The following UGT2A2 variants were observed in gnomAD, a reference collection of about 807,000 sequenced individuals.
UGT2A2 encodes UDP-glucuronosyltransferase 2A2.
A neutral mutation model predicts 50.7 loss-of-function variants in UGT2A2; 60 were observed. That is an observed-to-expected ratio of 1.18 (90% CI 0.96 to 1.47). UGT2A2 has a LOEUF of 1.47. Among genes scored for constraint, UGT2A2 ranks in the 40% most tolerant of loss-of-function variants. The probability of loss-of-function intolerance (pLI) is 0.00; values close to 1 mark genes in which losing one functional copy is unlikely to be tolerated. For missense variants in UGT2A2, 762 were observed against 634.0 expected, an observed-to-expected ratio of 1.20 and a Z score of -2.17; for synonymous variants, 242 against 214.6, an observed-to-expected ratio of 1.13 and a Z score of -1.11.
chr4:69,595,238 T>G lies in UGT2A2; in HGVS notation c.1035A>C (p.Arg345Ser). ...LAQIPQKVLW[R>S]YKGKKPATLG... ...ATGTGGCTGGTTTCTTTCCTTTGTA[T>G]CTCCATAAAACCTGTGGAAAATGGT... Residue 345 changes from arginine to serine, a missense_variant, in exon 4 of 6, where the codon AGA becomes AGC. Transcript: ENST00000604629. 6.2e-7 allele frequency: 1 copy of G among 1,613,770 alleles called. No homozygotes were observed. The highest frequency in any genetic ancestry group is 8.5e-7 in the Non-Finnish European group (1 of 1,179,838).
intron 1 of UGT2A2, among the ~76,000 whole-genome samples, chr4:69,605,262 GA>G (rs1390984992): frequency 1.5e-5 from 2 of 136,882 alleles, no homozygotes; most frequent in Non-Finnish European, 3.1e-5. Flanking sequence ...TCAGGATTAA[GA>G]AATTCACTCA....
intron 1 of UGT2A2, among the ~76,000 whole-genome samples, chr4:69,606,870 G>A (rs1454214712): frequency 7.4e-6 from 1 of 135,992 alleles, no homozygotes; most frequent in East Asian, 2.1e-4. Flanking sequence ...TACAAGGGAC[G>A]TAAGGACCTC....
chr4:69,638,975 G>A lies in UGT2A2; in HGVS notation c.666C>T (p.Thr222=). The change falls in exon 1 of 6, where the codon ACC becomes ACT. Residue 222 remains threonine, a synonymous_variant. Transcript: ENST00000604629. ...QMTFGERIKN[T]ISYSLQDYIF... is the part of the protein sequence containing the mutation. The stretch of plus-strand genomic sequence containing the variant: ...TATAGTCTTGCAGAGAATAAGATAT[G>A]GTATTTTTAATCCTTTCACCAAAGG... 1 of 1,612,958 alleles carries A rather than the reference G, an allele frequency of 6.2e-7. No homozygotes were observed. The highest frequency in any genetic ancestry group is 8.5e-7 in the Non-Finnish European group (1 of 1,179,432).
intron 1 of UGT2A2, among the ~76,000 whole-genome samples, chr4:69,633,538 T>C (rs937664648): frequency 4.6e-5 from 7 of 152,078 alleles, no homozygotes; most frequent in African/African-American, 1.7e-4. Context: ...AAAACCAAAA[T>C]AGCCTAAATT....
Position 69,589,340 on chromosome 4 carries a change from T to G in UGT2A2, c.*32A>C, listed in dbSNP as rs150470223. The G allele has an allele frequency of 1.6e-4, 247 of 1,560,392 alleles. No individual in the cohort carries two copies. In the African/African-American group the frequency reaches 3.2e-3, roughly 20 times the overall value. On this transcript the variant is annotated 3_prime_UTR_variant, in exon 6 of 6. Transcript: ENST00000604629. ...ACACTACTCAGGATTTTGCCAAACT[T>G]AAAAATATATATATTTCCTCTTTTT... is the stretch of plus-strand genomic sequence containing the variant.
At position 69,639,532 on chromosome 4, in the gene UGT2A2, T is replaced by C. The variant is rs1173225741; in HGVS notation, c.109A>G (p.Thr37Ala). The part of the protein sequence containing the change: ...VLSGNVLIWP[T>A]DGSHWLNIKI... The stretch of plus-strand genomic sequence containing the variant: ...ATATTTAACCAATGGCTACCATCTG[T>C]AGGCCAAATTAACACATTCCCACTT... Residue 37 changes from threonine to alanine, a missense_variant, in exon 1 of 6, where the codon ACA becomes GCA. By Grantham distance (58) the Thr-to-Ala change is moderately conservative. Coordinates refer to ENST00000604629, the MANE Select transcript of UGT2A2 (RefSeq NM_001105677.2). 3.1e-6 allele frequency: 5 copies of C among 1,613,280 alleles called. No homozygotes were observed. Among genetic ancestry groups the C allele is most frequent in the Admixed American group, 3.3e-5 (2 of 59,962 alleles).
Position 69,594,250 on chromosome 4 carries a change from A to G in UGT2A2, c.1331+227T>C, listed in dbSNP as rs980811399. On this transcript the variant is annotated intron_variant, in intron 5 of 5. Transcript: ENST00000604629. Reference sequence around the variant, plus strand: ...CAGCCTCCCAAAGTGCTAGGATTACAAGCTTGAGCCACTGCGCCCGGCCAA... The same window carrying G: ...CAGCCTCCCAAAGTGCTAGGATTACGAGCTTGAGCCACTGCGCCCGGCCAA... 2.6e-5 allele frequency among the ~76,000 whole-genome samples: 4 copies of G among 152,134 alleles called. No homozygotes were observed. In the East Asian group the frequency reaches 7.7e-4, roughly 29 times the overall value.
At chr4:69,606,252 C>T (rs923088773) in intron 1 of UGT2A2, among the ~76,000 whole-genome samples, 1 of 136,242 alleles carries the variant, frequency 7.3e-6, no homozygotes, top group East Asian at 2.1e-4. Context: ...ATCCCTGGGA[C>T]GCAAGGCTGG....
intron 5 of UGT2A2, among the ~76,000 whole-genome samples, chr4:69,594,013 T>C (rs1040260567): frequency 2.7e-5 from 4 of 148,366 alleles, no homozygotes; most frequent in African/African-American, 2.5e-5. Context: ...CTTGCTCTTT[T>C]GCCCAGGCTG....
At chr4:69,618,211 G>A (rs55803022) in intron 1 of UGT2A2, among the ~76,000 whole-genome samples, 1,242 of 113,222 alleles carry the variant, frequency 0.011, 20 homozygotes, top group African/African-American at 0.036. Flanking sequence ...GTGTGTGTGT[G>A]TGTGTATGTT....
At chr4:69,635,582 CA>C (rs758739507) in intron 1 of UGT2A2, 4 of 168,282 alleles carry the variant, frequency 2.4e-5, no homozygotes, top group East Asian at 3.8e-4. Context: ...GTAATCCCAG[CA>C]ATTTGTGAGG....
intron 2 of UGT2A2, among the ~76,000 whole-genome samples, chr4:69,597,630 T>C (rs1376009807): frequency 6.6e-6 from 1 of 152,184 alleles, no homozygotes; most frequent in Non-Finnish European, 1.5e-5. Flanking sequence ...GCTTAGTTAA[T>C]GTCAGGAGAA....
chr4:69,589,275 T>A lies in UGT2A2; in HGVS notation c.*97A>T. On this transcript the variant is annotated 3_prime_UTR_variant, in exon 6 of 6. Coordinates refer to ENST00000604629, the MANE Select transcript of UGT2A2 (RefSeq NM_001105677.2). ...AAATTTGGAAACAGGATGGGAGACGTGTTTTTGTTAAACTCCTTTTGTCTG... is the reference window on the plus strand; with the variant it reads ...AAATTTGGAAACAGGATGGGAGACGAGTTTTTGTTAAACTCCTTTTGTCTG... 7.2e-7 allele frequency: 1 copy of A among 1,382,014 alleles called. No individual in the cohort carries two copies. Among genetic ancestry groups the A allele is most frequent in the South Asian group, 1.8e-5 (1 of 56,698 alleles). The allele number at this position is 1,382,014 out of a possible 1,614,324, so 85.6% of individuals were successfully genotyped here.
intron 5 of UGT2A2, among the ~76,000 whole-genome samples, chr4:69,594,067 C>T (rs2033798): frequency 0.39 from 58,117 of 149,736 alleles, 11,542 homozygotes; most frequent in East Asian, 0.55. Context: ...CTCCACCTCC[C>T]GGGTTCACGC....
intron 1 of UGT2A2, among the ~76,000 whole-genome samples, chr4:69,615,078 C>A (rs769096287): frequency 6.6e-6 from 1 of 151,990 alleles, no homozygotes; most frequent in South Asian, 2.1e-4. Flanking sequence ...ATGATCCAAT[C>A]ACCTTTCAAC....
At chr4:69,595,858 T>C (rs1483524219) in intron 3 of UGT2A2, among the ~76,000 whole-genome samples, 1 of 152,230 alleles carries the variant, frequency 6.6e-6, no homozygotes, top group African/African-American at 2.4e-5. Flanking sequence ...ATTATATTTT[T>C]AGCATAATTT....
intron 1 of UGT2A2, among the ~76,000 whole-genome samples, chr4:69,615,724 G>A (rs11936130): frequency 0.4 from 59,878 of 151,534 alleles, 12,144 homozygotes; most frequent in African/African-American, 0.48. Flanking sequence ...AAACAAACAA[G>A]CAAACAAACA....
At chr4:69,610,373 A>C (rs865985186) in intron 1 of UGT2A2, among the ~76,000 whole-genome samples, 1 of 152,072 alleles carries the variant, frequency 6.6e-6, no homozygotes, top group African/African-American at 2.4e-5. Context: ...TTCATTTTCT[A>C]TCTGGCCATT....
At position 69,602,587 on chromosome 4, in the gene UGT2A2, G is replaced by A. The variant is rs544444794; in HGVS notation, c.743-3193C>T. 6.9e-4 allele frequency among the ~76,000 whole-genome samples: 95 copies of A among 137,130 alleles called. 26 individuals carry two copies. The highest frequency in any genetic ancestry group is 2.8e-3 in the African/African-American group (94 of 34,112). 90.0% of individuals were successfully genotyped at this position (137,130 alleles called of 152,430 possible). A position where few individuals can be genotyped will look rare whatever the true frequency, so the allele number is the denominator to read the frequency against. On this transcript the variant is annotated intron_variant, in intron 1 of 5. Coordinates refer to ENST00000604629, the MANE Select transcript of UGT2A2 (RefSeq NM_001105677.2). The stretch of plus-strand genomic sequence containing the variant: ...GAGGAAGAGAAGTTTTAATTTTGCT[G>A]AATGCAAAACTATAACATAGCAACT...
Sources: allele counts gnomAD v4.1 joint callset (sites outside exome capture counted in the v4.1 genomes callset), GRCh38; gene constraint gnomAD v4.1.1; transcripts MANE v1.5; gene names NCBI Gene and HGNC (gene_info 2026-07-23, HGNC 2026-07-21).